Variants in ADK observed in about 807,000 individuals in gnomAD.
The protein encoded by ADK is N6,N6-dimethyladenosine kinase.
Under a neutral mutation model 44.7 loss-of-function variants are expected in ADK, and 24 were observed. That is an observed-to-expected ratio of 0.54 (90% CI 0.39 to 0.76). The LOEUF (loss-of-function observed/expected upper bound fraction) is 0.76. Ranked by LOEUF, ADK falls within the 30% of genes least tolerant of loss-of-function variation. The probability of loss-of-function intolerance (pLI) is 0.00; values close to 1 mark genes in which losing one functional copy is unlikely to be tolerated. For synonymous variants in ADK, 128 were observed against 142.6 expected (o/e 0.90, Z 0.73); for missense variants, 321 against 425.1 (o/e 0.76, Z 2.15).
intron 3 of ADK, among the ~76,000 whole-genome samples, chr10:74,295,243 C>G (rs1839770652): frequency 6.6e-6 from 1 of 151,874 alleles, no homozygotes; most frequent in Admixed American, 6.6e-5. Flanking sequence ...GGGCAGATCA[C>G]CTGAGGTCAG....
chr10:74,183,239 G>A (rs1049253298), intron 1 of ADK, among the ~76,000 whole-genome samples: 4 of 151,952 alleles, frequency 2.6e-5, no homozygotes, highest in Non-Finnish European at 4.4e-5. Context: ...GGCATGAGCC[G>A]CTGTGCCCAG....
intron 3 of ADK, among the ~76,000 whole-genome samples, chr10:74,267,670 G>A (rs892698761): frequency 6.6e-6 from 1 of 151,628 alleles, no homozygotes; most frequent in Non-Finnish European, 1.5e-5. Flanking sequence ...TTGATGCAGA[G>A]GTTCAAATAA....
chr10:74,172,390 C>G (rs1194306896), intron 1 of ADK, among the ~76,000 whole-genome samples: 3 of 152,072 alleles, frequency 2.0e-5, no homozygotes, highest in Non-Finnish European at 2.9e-5. Context: ...AGCCATTGCA[C>G]CTGGCTAGAC....
At chr10:74,190,255 T>C (rs1842914598) in intron 1 of ADK, among the ~76,000 whole-genome samples, 2 of 152,240 alleles carry the variant, frequency 1.3e-5, no homozygotes, top group South Asian at 2.1e-4. Context: ...GTTACTGTTC[T>C]AGTCTTCGCT....
chr10:74,702,913 G>T (rs1856485667), intron 10 of ADK, among the ~76,000 whole-genome samples: 2 of 151,716 alleles, frequency 1.3e-5, no homozygotes, highest in Non-Finnish European at 2.9e-5. Flanking sequence ...ATCTTAAATT[G>T]TCTATTCACA....
chr10:74,274,239 C>T (rs536161712), intron 3 of ADK, among the ~76,000 whole-genome samples: 1 of 152,066 alleles, frequency 6.6e-6, no homozygotes, highest in African/African-American at 2.4e-5. Flanking sequence ...TGTATTCTTA[C>T]AATAAAGCTA....
Position 74,708,381 on chromosome 10 carries a change from A to C in ADK, c.1025A>C (p.Tyr342Ser). 1 of 1,612,938 alleles carries C rather than the reference A, an allele frequency of 6.2e-7. No homozygotes were observed. The highest frequency in any genetic ancestry group is 8.5e-7 in the Non-Finnish European group (1 of 1,179,642). The change falls in exon 11 of 11, where the codon TAT (tyrosine) becomes TCT (serine). Residue 342 changes from tyrosine to serine, a missense_variant. Coordinates refer to ENST00000539909, the MANE Select transcript of ADK (RefSeq NM_006721.4). ...ACTGAATGTATCCGTGCTGGCCACT[A>C]TGCAGCAAGCATCATAATTAGACGG... ...PLTECIRAGH[Y>S]AASIIIRRTG...
At chr10:74,528,998 AGC>A (rs1849174008) in intron 7 of ADK, among the ~76,000 whole-genome samples, 1 of 152,212 alleles carries the variant, frequency 6.6e-6, no homozygotes, top group Non-Finnish European at 1.5e-5. Flanking sequence ...CATATGATCT[AGC>A]AGTTCTACTT....
chr10:74,527,632 T>C, intron 7 of ADK: 1 of 804,112 alleles, frequency 1.2e-6, no homozygotes, highest in Admixed American at 1.7e-5. Context: ...TTCAGGAATC[T>C]TATGGCCTCT....
At chr10:74,425,044 T>A (rs992011232) in intron 6 of ADK, among the ~76,000 whole-genome samples, 1 of 152,220 alleles carries the variant, frequency 6.6e-6, no homozygotes, top group African/African-American at 2.4e-5. Context: ...CTTATTTTCC[T>A]GTGTGTTAGC....
intron 3 of ADK, among the ~76,000 whole-genome samples, chr10:74,229,253 A>G (rs61418560): frequency 1.2e-3 from 189 of 152,296 alleles, no homozygotes; most frequent in African/African-American, 4.2e-3. Context: ...CGTGCTCAGG[A>G]TATGATCTTT....
At chr10:74,287,321 G>C (rs746396272) in intron 3 of ADK, among the ~76,000 whole-genome samples, 9 of 151,996 alleles carry the variant, frequency 5.9e-5, no homozygotes, top group Admixed American at 1.3e-4. Context: ...AAAATTAGTG[G>C]GGCGTGGTGG....
chr10:74,499,410 C>T (rs1025961185), intron 6 of ADK, among the ~76,000 whole-genome samples: 2 of 152,192 alleles, frequency 1.3e-5, no homozygotes, highest in South Asian at 2.1e-4. Context: ...CATTTTTGGC[C>T]GGGCACAATG....
Position 74,626,302 on chromosome 10 carries a change from AT to A in ADK, c.877+25827del, listed in dbSNP as rs571501922. On this transcript the variant is annotated intron_variant, in intron 9 of 10. Transcript: ENST00000539909. ...AATATGTCTTCACTAAAGAGTCTAA[AT>A]TTTTTTTTTTTTTTTTTGGAGGAGT... 5.2e-3 allele frequency among the ~76,000 whole-genome samples: 731 copies of A among 139,752 alleles called. 2 individuals carry two copies. Among genetic ancestry groups the A allele is most frequent in the South Asian group, 0.011 (47 of 4,404 alleles). 91.7% of individuals were successfully genotyped at this position (139,752 alleles called of 152,430 possible).
intron 6 of ADK, among the ~76,000 whole-genome samples, chr10:74,454,600 T>A (rs537100326): frequency 1.3e-5 from 2 of 152,194 alleles, no homozygotes; most frequent in Admixed American, 6.5e-5. Context: ...GGAAAAAAAA[T>A]ATCTTTCCCT....
intron 4 of ADK, among the ~76,000 whole-genome samples, chr10:74,348,138 G>GGA (rs764315495): frequency 1.3e-5 from 2 of 152,142 alleles, no homozygotes; most frequent in Non-Finnish European, 2.9e-5. Flanking sequence ...CTTCTCACTG[G>GGA]GAGAGAACTG....
At chr10:74,222,823 G>A (rs967522095) in intron 2 of ADK, among the ~76,000 whole-genome samples, 3 of 143,306 alleles carry the variant, frequency 2.1e-5, no homozygotes, top group South Asian at 2.3e-4. Context: ...AGAACACATG[G>A]ACACAGGAAG....
chr10:74,564,908 G>T (rs1227959564), intron 7 of ADK, among the ~76,000 whole-genome samples: 1 of 151,832 alleles, frequency 6.6e-6, no homozygotes, highest in African/African-American at 2.4e-5. Flanking sequence ...GTTGTCCACT[G>T]TTAAACCACA....
intron 3 of ADK, among the ~76,000 whole-genome samples, chr10:74,243,089 C>T (rs530039108): frequency 2.4e-4 from 36 of 152,368 alleles, no homozygotes; most frequent in African/African-American, 8.4e-4. Context: ...AGGGCAGCCA[C>T]CCCACGCAAT....
Sources: gnomAD v4.1 joint callset for allele counts (sites outside exome capture counted in the v4.1 genomes callset) on GRCh38, gnomAD v4.1.1 for gene constraint, MANE v1.5 for transcripts, NCBI Gene and HGNC (gene_info 2026-07-23, HGNC 2026-07-21) for gene names.